The following KDR variants were observed in gnomAD, a reference collection of about 807,000 sequenced individuals.
The protein encoded by KDR is kinase insert domain receptor, also known as vascular endothelial growth factor receptor 2.
Under a neutral mutation model 160.9 loss-of-function variants are expected in KDR, and 43 were observed. That is an observed-to-expected ratio of 0.27 (90% CI 0.21 to 0.34). The LOEUF (loss-of-function observed/expected upper bound fraction) is 0.34. Among genes scored for constraint, KDR ranks in the 10% least tolerant of loss-of-function variants. KDR has a pLI of 1.00. For synonymous variants in KDR, 617 were observed against 600.1 expected (o/e 1.03, Z -0.41); for missense variants, 1,469 against 1,666.4 (o/e 0.88, Z 2.06).
intron 3 of KDR, among the ~76,000 whole-genome samples, chr4:55,117,113 C>T (rs557993446): frequency 5.3e-5 from 8 of 152,246 alleles, no homozygotes; most frequent in African/African-American, 1.9e-4. Flanking sequence ...CTAAATTAAC[C>T]CTTTGACGTA....
In KDR at chr4:55,080,095, T is replaced by C; in HGVS notation, c.3917A>G (p.Gln1306Arg). ...SEGSNQTSGY[Q>R]SGYHSDDTDT... ...TGTGTCATCGGAGTGATATCCGGACTGGTAGCCGCTTGTCTGGTTTGAGCC... is the reference window on the plus strand; with the variant it reads ...TGTGTCATCGGAGTGATATCCGGACCGGTAGCCGCTTGTCTGGTTTGAGCC... Residue 1306 changes from glutamine to arginine, a missense_variant, in exon 30 of 30, where the codon CAG (glutamine) becomes CGG (arginine). Gln to Arg is a conservative substitution (Grantham distance 43). This residue lies in a region of KDR where 229 missense variants were observed against 197.8 expected (regional missense o/e 1.16). Transcript: ENST00000263923. The C allele has an allele frequency of 6.2e-7, 1 of 1,614,128 alleles. No individual in the cohort carries two copies. The highest frequency in any genetic ancestry group is 8.5e-7 in the Non-Finnish European group (1 of 1,180,034).
At chr4:55,096,854 A>G in intron 18 of KDR, 2 of 188,728 alleles carry the variant, frequency 1.1e-5, no homozygotes, top group Non-Finnish European at 2.2e-5. Flanking sequence ...CACTAAGACT[A>G]TGTGTTTGAT....
chr4:55,080,754 GA>G (rs1411819414), intron 29 of KDR, among the ~76,000 whole-genome samples: 1 of 152,190 alleles, frequency 6.6e-6, no homozygotes, highest in Non-Finnish European at 1.5e-5. Context: ...GCAGCAACTA[GA>G]AAATGTTTTC....
chr4:55,111,998 A>G (rs2110029246), intron 7 of KDR, among the ~76,000 whole-genome samples: 1 of 152,340 alleles, frequency 6.6e-6, no homozygotes, highest in South Asian at 2.1e-4. Flanking sequence ...CATTCTCATA[A>G]TATAAACTCC....
At position 55,105,780 on chromosome 4, in the gene KDR, A is replaced by G. The variant is rs895179965; in HGVS notation, c.1645+52T>C. 36 of 1,057,788 alleles carry G rather than the reference A, an allele frequency of 3.4e-5. No homozygotes were observed. In the African/African-American group the frequency reaches 5.0e-4, roughly 15 times the overall value. 65.5% of individuals were successfully genotyped at this position (1,057,788 alleles called of 1,614,324 possible). A position where few individuals can be genotyped will look rare whatever the true frequency, so the allele number is the denominator to read the frequency against. The stretch of plus-strand genomic sequence containing the variant: ...AAAACAACAGGGAATTACATAGCTT[A>G]GTACCCACTGTGTGAGTGATCCAAC... On this transcript the variant is annotated intron_variant, in intron 12 of 29. Transcript: ENST00000263923.
intron 21 of KDR, among the ~76,000 whole-genome samples, chr4:55,094,171 T>C (rs893234975): frequency 1.3e-5 from 2 of 152,050 alleles, no homozygotes; most frequent in African/African-American, 4.8e-5. Context: ...ATCGCACCAT[T>C]GCACTCCAGC....
intron 6 of KDR, 82 bp from the exon 7 acceptor site, chr4:55,113,563 C>A: frequency 7.8e-7 from 1 of 1,283,958 alleles, no homozygotes; most frequent in South Asian, 1.2e-5. Context: ...AGAATTAAAT[C>A]TGGGCTTTGG....
At chr4:55,116,532 C>T (rs1720740191) in intron 3 of KDR, among the ~76,000 whole-genome samples, 1 of 152,004 alleles carries the variant, frequency 6.6e-6, no homozygotes, top group South Asian at 2.1e-4. Context: ...GGTGTGGAGT[C>T]ATGCTTGAAA....
chr4:55,106,763 C>T lies in KDR; in HGVS notation c.1460G>A (p.Ser487Asn), dbSNP rs1179439779. 1.3e-6 allele frequency: 2 copies of T among 1,599,608 alleles called. No individual in the cohort carries two copies. Among genetic ancestry groups the T allele is most frequent in the East Asian group, 2.2e-5 (1 of 44,762 alleles). Residue 487 changes from serine to asparagine, a missense_variant, in exon 11 of 30, where the codon AGT (serine) becomes AAT (asparagine). Around this residue, in one of 7 missense-constraint regions of KDR, gnomAD observed 792 missense variants for 840.9 expected, o/e 0.94. Transcript: ENST00000263923. ...TNPYPCEEWR[S>N]VEDFQGGNKI... ...ATTTCCTCCCTGGAAGTCCTCCACA[C>T]TTCTCCATTCTTCACAAGGGTATGG...
At chr4:55,113,896 T>C (rs1393462534) in intron 6 of KDR, among the ~76,000 whole-genome samples, 4 of 152,238 alleles carry the variant, frequency 2.6e-5, no homozygotes, top group African/African-American at 4.8e-5. Flanking sequence ...AGCCTGGCTA[T>C]TGCAGAATAG....
intron 2 of KDR, among the ~76,000 whole-genome samples, chr4:55,119,425 T>C (rs984423889): frequency 1.3e-5 from 2 of 152,298 alleles, no homozygotes; most frequent in African/African-American, 2.4e-5. Context: ...TCAATGCCTT[T>C]ATGGAACCTC....
At chr4:55,092,426 G>A in intron 22 of KDR, 191 bp downstream of exon 22, 1 of 613,528 alleles carries the variant, frequency 1.6e-6, no homozygotes, top group South Asian at 1.8e-5. Context: ...TTATTATACA[G>A]CTTAATTTCA....
chr4:55,102,335 C>T (rs1262365311), intron 14 of KDR, 27 bp downstream of exon 14: 1 of 1,611,318 alleles, frequency 6.2e-7, no homozygotes, highest in Admixed American at 1.7e-5. Flanking sequence ...TTCTGCAACC[C>T]AAGAGTGATA....
intron 3 of KDR, 88 bp from the exon 4 acceptor site, chr4:55,115,499 A>ATTCACTTGTCTGGTT: frequency 1.3e-6 from 1 of 748,380 alleles, no homozygotes; most frequent in Non-Finnish European, 2.4e-6. Context: ...CTAACCAGAC[A>ATTCACTTGTCTGGTT]AGTGAATGAC....
At chr4:55,084,022 T>A (rs1232031789) in intron 27 of KDR, among the ~76,000 whole-genome samples, 1 of 152,208 alleles carries the variant, frequency 6.6e-6, no homozygotes, top group Non-Finnish European at 1.5e-5. Context: ...AGCCTGACAC[T>A]GTGCCAGAAG....
chr4:55,117,048 C>T (rs990517711), intron 3 of KDR, among the ~76,000 whole-genome samples: 1 of 152,196 alleles, frequency 6.6e-6, no homozygotes, highest in Non-Finnish European at 1.5e-5. Context: ...GCCTACCTTT[C>T]ATCCACATGT....
At chr4:55,111,164 C>T (rs900512369) in intron 7 of KDR, among the ~76,000 whole-genome samples, 3 of 152,192 alleles carry the variant, frequency 2.0e-5, no homozygotes, top group African/African-American at 7.2e-5. Context: ...CAGACCTCCT[C>T]TTTATTTACA....
chr4:55,088,968 T>C lies in KDR; in HGVS notation c.3410A>G (p.Gln1137Arg). The C allele has an allele frequency of 6.2e-7, 1 of 1,611,734 alleles. No homozygotes were observed. Among genetic ancestry groups the C allele is most frequent in the Non-Finnish European group, 8.5e-7 (1 of 1,177,832 alleles). The change falls in exon 26 of 30, where the codon CAG (glutamine) becomes CGG (arginine). Residue 1137 changes from glutamine to arginine, a missense_variant. Gln to Arg is a conservative substitution (Grantham distance 43, BLOSUM62 1). Transcript: ENST00000263923. The stretch of plus-strand genomic sequence containing the variant: ...CCCGTGCCAGCAGTCCAGCATGGTC[T>C]GGTACCTAGAGAAGCAAAACACTGA... ...APDYTTPEMY[Q>R]TMLDCWHGEP...
chr4:55,093,997 C>T (rs538413660), intron 21 of KDR, among the ~76,000 whole-genome samples: 6 of 151,656 alleles, frequency 4.0e-5, no homozygotes, highest in East Asian at 1.9e-4. Context: ...ATCAGGAGTT[C>T]GAGACCAGCC....
Sources: allele counts gnomAD v4.1 joint callset (sites outside exome capture counted in the v4.1 genomes callset), GRCh38; gene constraint gnomAD v4.1.1; regional missense constraint gnomAD v4.1.1; transcripts MANE v1.5; gene names NCBI Gene and HGNC (gene_info 2026-07-23, HGNC 2026-07-21).